FAM13B: variants seen among roughly 807,000 people sequenced by gnomAD.
FAM13B encodes the protein family with sequence similarity 13 member B, also known as protein FAM13B.
In FAM13B, 60 loss-of-function variants were observed where a neutral mutation model predicts 117.3. That is an observed-to-expected ratio of 0.51 (90% CI 0.42 to 0.63). The LOEUF is 0.63. Ranked by LOEUF, FAM13B falls within the 30% of genes least tolerant of loss-of-function variation. The probability of loss-of-function intolerance (pLI) is 0.00; values close to 1 mark genes in which losing one functional copy is unlikely to be tolerated. For missense variants in FAM13B, 972 were observed against 1,091.9 expected (o/e 0.89, Z 1.55); for synonymous variants, 332 against 356.1 (o/e 0.93, Z 0.76).
At chr5:138,029,201 A>G (rs1341917099) in intron 1 of FAM13B, among the ~76,000 whole-genome samples, 1 of 152,210 alleles carries the variant, frequency 6.6e-6, no homozygotes, top group Non-Finnish European at 1.5e-5. Context: ...TTCTCAGAAG[A>G]GGAAGCAAGC....
At chr5:137,970,838 C>T (rs1490982345) in intron 10 of FAM13B, among the ~76,000 whole-genome samples, 1 of 151,852 alleles carries the variant, frequency 6.6e-6, no homozygotes, top group Non-Finnish European at 1.5e-5. Context: ...AGACTTTAAA[C>T]CAACAAAGAT....
At chr5:138,013,983 G>C (rs1350548555) in intron 4 of FAM13B, among the ~76,000 whole-genome samples, 2 of 152,102 alleles carry the variant, frequency 1.3e-5, no homozygotes, top group African/African-American at 4.8e-5. Flanking sequence ...CTCCAGGCTG[G>C]AGTGCAGTGG....
intron 1 of FAM13B, among the ~76,000 whole-genome samples, chr5:138,026,655 A>AAAC (rs1554082505): frequency 9.1e-5 from 11 of 121,098 alleles, no homozygotes; most frequent in Admixed American, 5.5e-4. Context: ...AAAAAAAAAA[A>AAAC]TTGGTCAGGC....
chr5:137,942,561 C>T (rs1463606867), intron 22 of FAM13B: 1 of 294,044 alleles, frequency 3.4e-6, no homozygotes, highest in African/African-American at 2.2e-5. Flanking sequence ...CTGGGTCCCA[C>T]TATATTGCCC....
Position 137,992,551 on chromosome 5 carries a change from G to A in FAM13B, c.849-4236C>T, listed in dbSNP as rs889482705. On this transcript the variant is annotated intron_variant, in intron 7 of 23. Coordinates refer to ENST00000689681, the MANE Select transcript of FAM13B (RefSeq NM_001385994.1). ...AGAGGTTGTGGTGAGTCGAGATCAT[G>A]TCATTGCACTCTAGCCTGGGCAACG... is the stretch of plus-strand genomic sequence containing the variant. 8.5e-5 allele frequency among the ~76,000 whole-genome samples: 13 copies of A among 152,156 alleles called. No homozygotes were observed. The East Asian group carries it at 1.2e-3, about 14-fold the overall frequency.
chr5:137,965,336 G>A (rs1413935037), intron 10 of FAM13B, among the ~76,000 whole-genome samples: 1 of 152,140 alleles, frequency 6.6e-6, no homozygotes, highest in Non-Finnish European at 1.5e-5. Context: ...GGCAGTGGCG[G>A]TGGCAGTGGC....
chr5:138,001,203 C>T (rs1032605603), intron 7 of FAM13B, among the ~76,000 whole-genome samples: 4 of 152,112 alleles, frequency 2.6e-5, no homozygotes, highest in Admixed American at 1.3e-4. Flanking sequence ...TAGGCTACTT[C>T]TGAAGAGAAA....
chr5:137,957,015 C>CAG (rs1431499168), intron 13 of FAM13B, among the ~76,000 whole-genome samples: 1 of 152,194 alleles, frequency 6.6e-6, no homozygotes, highest in East Asian at 1.9e-4. Flanking sequence ...ATACTGGTGA[C>CAG]AGTCATGTGC....
chr5:137,993,861 T>G (rs1470615136), intron 7 of FAM13B, among the ~76,000 whole-genome samples: 2 of 151,822 alleles, frequency 1.3e-5, no homozygotes, highest in Non-Finnish European at 1.5e-5. Flanking sequence ...AAGTTCCCAC[T>G]CCAAATCTCT....
rs1161801363 is a variant in FAM13B at position 138,011,844 on chromosome 5, C to T, written c.472G>A (p.Ala158Thr). The T allele has an allele frequency of 1.2e-6, 2 of 1,607,132 alleles. No homozygotes were observed. Among genetic ancestry groups the T allele is most frequent in the African/African-American group, 1.4e-5 (1 of 73,946 alleles). The change falls in exon 5 of 24, where the codon GCC becomes ACC. Residue 158 changes from alanine to threonine, a missense_variant. By Grantham distance (58) the Ala-to-Thr change is moderately conservative. Coordinates refer to ENST00000689681, the MANE Select transcript of FAM13B (RefSeq NM_001385994.1). ...TCTTCATGATGTGATGCTACATTGG[C>T]TAAAAATCTACACAGAAACTTTAAC... ...SLLKFLCRFL[A>T]NVASHHEEIW...
chr5:138,014,335 T>C (rs993581066), intron 4 of FAM13B, among the ~76,000 whole-genome samples: 1 of 152,232 alleles, frequency 6.6e-6, no homozygotes, highest in Non-Finnish European at 1.5e-5. Flanking sequence ...CTGTGGCCTG[T>C]TAGGAACTGG....
intron 7 of FAM13B, among the ~76,000 whole-genome samples, chr5:138,000,074 T>C (rs781649096): frequency 1.4e-4 from 22 of 152,284 alleles, no homozygotes; most frequent in South Asian, 6.2e-4. Context: ...TTACTTTTCA[T>C]TTAAAAAAAA....
intron 1 of FAM13B, among the ~76,000 whole-genome samples, chr5:138,044,058 A>G (rs577615686): frequency 1.3e-5 from 2 of 151,974 alleles, no homozygotes; most frequent in African/African-American, 4.8e-5. Flanking sequence ...AGCTGGAACT[A>G]TAGGCACATG....
At chr5:137,967,455 G>A (rs766995864) in intron 10 of FAM13B, among the ~76,000 whole-genome samples, 16 of 152,164 alleles carry the variant, frequency 1.1e-4, no homozygotes, top group African/African-American at 3.1e-4. Flanking sequence ...CCCAGGAGGC[G>A]GAGGTTGCAG....
At chr5:137,989,939 T>C (rs1199858335) in intron 7 of FAM13B, among the ~76,000 whole-genome samples, 2 of 152,190 alleles carry the variant, frequency 1.3e-5, no homozygotes, top group African/African-American at 4.8e-5. Context: ...GTAGCCATCA[T>C]CAGTTTATTT....
chr5:137,954,787 C>T lies in FAM13B; in HGVS notation c.1508-411G>A, dbSNP rs1162852234. On this transcript the variant is annotated intron_variant, in intron 14 of 23. Transcript: ENST00000689681. Reference sequence around the variant, plus strand: ...CTTGCCACTACGCCTGACTAATTTTCTTTTTTTTGTTGTTGGTAGAGACGA... The same window carrying T: ...CTTGCCACTACGCCTGACTAATTTTTTTTTTTTTGTTGTTGGTAGAGACGA... Among the ~76,000 whole-genome samples, 6 of 151,548 alleles carry T rather than the reference C, an allele frequency of 4.0e-5. No homozygotes were observed. The East Asian group carries it at 1.2e-3, about 29-fold the overall frequency.
intron 18 of FAM13B, 129 bp downstream of exon 18, chr5:137,948,826 G>T: frequency 1.5e-6 from 1 of 672,000 alleles, no homozygotes; most frequent in Non-Finnish European, 2.6e-6. Context: ...TCATGTTTCT[G>T]AATCTGCAAA....
chr5:137,993,803 T>C (rs1198698487), intron 7 of FAM13B, among the ~76,000 whole-genome samples: 3 of 151,574 alleles, frequency 2.0e-5, no homozygotes, highest in Non-Finnish European at 1.5e-5. Context: ...AATAAATAAA[T>C]AGAATAAAAT....
At chr5:137,978,893 C>G (rs558456116) in intron 10 of FAM13B, among the ~76,000 whole-genome samples, 2 of 152,306 alleles carry the variant, frequency 1.3e-5, no homozygotes, top group African/African-American at 4.8e-5. Flanking sequence ...GCAACACTGA[C>G]CTCTTTTCCA....
Sources: allele counts gnomAD v4.1 joint callset (sites outside exome capture counted in the v4.1 genomes callset), GRCh38; gene constraint gnomAD v4.1.1; transcripts MANE v1.5; gene names NCBI Gene and HGNC (gene_info 2026-07-23, HGNC 2026-07-21).